Variants in SSUH2 observed in about 807,000 individuals in gnomAD.
The protein encoded by SSUH2 is ssu-2 homolog.
In SSUH2, 47 loss-of-function variants were observed where a neutral mutation model predicts 55.3. The ratio of observed to expected loss-of-function variants is 0.85; its 90% CI spans 0.67 to 1.08. SSUH2 has a LOEUF of 1.08. SSUH2 is among the 50% of genes least tolerant of loss of function. The pLI is 0.00. For missense variants in SSUH2, 535 were observed against 490.7 expected (o/e 1.09, Z -0.85); for synonymous variants, 212 against 191.5 (o/e 1.11, Z -0.89).
intron 5 of SSUH2, among the ~76,000 whole-genome samples, chr3:8,667,934 G>A (rs905315062): frequency 6.6e-6 from 1 of 152,070 alleles, no homozygotes; most frequent in African/African-American, 2.4e-5. Flanking sequence ...CCCACCCACG[G>A]AGGGAGCTGG....
rs561072704 is a variant in SSUH2, at chr3:8,679,243, G to C, written c.-901+462C>G. 2.4e-5 allele frequency among the ~76,000 whole-genome samples: 2 copies of C among 84,632 alleles called. 1 individual carries two copies. The allele number at this position is 84,632 out of a possible 152,430, so 55.5% of individuals were successfully genotyped here. On this transcript the variant is annotated intron_variant, in intron 2 of 18. Coordinates refer to the SSUH2 transcript ENST00000317371. ...CACCCTCCGTGAGCGGGGACTGAGA[G>C]CCAGCCAATTTTCCCCCTGGCTTTT...
intron 5 of SSUH2, among the ~76,000 whole-genome samples, chr3:8,670,847 T>C (rs1704490398): frequency 6.6e-6 from 1 of 152,088 alleles, no homozygotes; most frequent in Admixed American, 6.5e-5. Flanking sequence ...ATATTATGAA[T>C]AATATCCCAG....
chr3:8,672,374 T>A (rs1328798086), intron 3 of SSUH2, among the ~76,000 whole-genome samples: 1 of 151,896 alleles, frequency 6.6e-6, no homozygotes, highest in Admixed American at 6.6e-5. Flanking sequence ...GGTGTACACC[T>A]CCTGCGACAT....
intron 5 of SSUH2, chr3:8,664,044 G>C (rs777915304): frequency 3.6e-5 from 12 of 333,720 alleles, no homozygotes; most frequent in African/African-American, 2.6e-4. Context: ...GTCAACACGA[G>C]GTTTCTGCTG....
At chr3:8,628,571 A>T (rs769429590) in intron 7 of SSUH2, among the ~76,000 whole-genome samples, 1 of 152,204 alleles carries the variant, frequency 6.6e-6, no homozygotes, top group Non-Finnish European at 1.5e-5. Flanking sequence ...AGGTCATATG[A>T]CAAGGTAGGG....
At chr3:8,646,810 T>C (rs942863143), upstream of SSUH2, among the ~76,000 whole-genome samples, 1 of 151,998 alleles carries the variant, frequency 6.6e-6, no homozygotes, top group Non-Finnish European at 1.5e-5. Flanking sequence ...TCAAAGGAGG[T>C]TGGGATCAGG....
At chr3:8,678,826 CACGAG>C (rs1705669270) in intron 2 of SSUH2, among the ~76,000 whole-genome samples, 1 of 113,846 alleles carries the variant, frequency 8.8e-6, no homozygotes, top group Non-Finnish European at 2.0e-5. Context: ...CGGCACTCCC[CACGAG>C]GCGGGGACTG....
At chr3:8,644,031 T>G (rs1472109885) in intron 1 of SSUH2, among the ~76,000 whole-genome samples, 2 of 151,644 alleles carry the variant, frequency 1.3e-5, no homozygotes, top group Non-Finnish European at 2.9e-5. Flanking sequence ...ACTGCCTGTT[T>G]CAAATTCGGA....
chr3:8,667,232 G>A (rs1704074301), intron 5 of SSUH2, among the ~76,000 whole-genome samples: 1 of 152,128 alleles, frequency 6.6e-6, no homozygotes, highest in South Asian at 2.1e-4. Flanking sequence ...GCAGGAAAGG[G>A]GTAGTGTATT....
intron 3 of SSUH2, chr3:8,677,091 G>T (rs1163518022): frequency 6.7e-6 from 1 of 149,176 alleles, no homozygotes; most frequent in Non-Finnish European, 1.5e-5. Flanking sequence ...TGGCTCTTAG[G>T]ACCCCCATCG....
intron 3 of SSUH2, chr3:8,634,550 G>A: frequency 7.8e-7 from 1 of 1,289,756 alleles, no homozygotes; most frequent in Non-Finnish European, 1.0e-6. Context: ...GGCACACAGA[G>A]GGGCCCGTCT....
chr3:8,623,560 C>G lies in SSUH2; in HGVS notation c.970G>C (p.Val324Leu), dbSNP rs375244776. ...HSAALASRAR[V>L]LQQRQTIELI... ...CCGCCCTGGCTCACCTGCTGCAGGA[C>G]GCGGGCACGGGAGGCCAAGGCAGCG... is the stretch of plus-strand genomic sequence containing the variant. Residue 324 changes from valine to leucine, a missense_variant, in exon 11 of 12, where the codon GTC becomes CTC. Val to Leu is a conservative substitution (Grantham distance 32). Transcript: ENST00000544814. The G allele has an allele frequency of 1.3e-6, 2 of 1,549,028 alleles. No homozygotes were observed. Among genetic ancestry groups the G allele is most frequent in the African/African-American group, 2.7e-5 (2 of 72,998 alleles).
intron 1 of SSUH2, chr3:8,679,862 G>A (rs1242805125): frequency 2.0e-5 from 3 of 152,398 alleles, no homozygotes; most frequent in Non-Finnish European, 4.4e-5. Flanking sequence ...AAGGGAAGAA[G>A]GCAGGTGAGA....
intron 7 of SSUH2, among the ~76,000 whole-genome samples, chr3:8,653,993 C>A (rs1702692381): frequency 6.6e-6 from 1 of 152,216 alleles, no homozygotes; most frequent in African/African-American, 2.4e-5. Flanking sequence ...ACAGCAGGCA[C>A]TTGTATTAGT....
chr3:8,670,698 A>T (rs1486082488), intron 5 of SSUH2, among the ~76,000 whole-genome samples: 4 of 152,010 alleles, frequency 2.6e-5, no homozygotes, highest in Non-Finnish European at 5.9e-5. Flanking sequence ...CCTTCCTAGT[A>T]ACATCTCTTT....
intron 5 of SSUH2, among the ~76,000 whole-genome samples, chr3:8,669,108 CTCAT>C (rs993973066): frequency 2.0e-5 from 3 of 152,190 alleles, no homozygotes; most frequent in African/African-American, 7.2e-5. Flanking sequence ...AGCATACTCT[CTCAT>C]TCAAATGAAA....
At chr3:8,658,503 G>A (rs186480199) in intron 7 of SSUH2, among the ~76,000 whole-genome samples, 2 of 152,220 alleles carry the variant, frequency 1.3e-5, no homozygotes, top group African/African-American at 2.4e-5. Context: ...GCCAGGCTGG[G>A]TGGGGCAGGT....
intron 10 of SSUH2, among the ~76,000 whole-genome samples, chr3:8,624,549 C>T (rs1387673131): frequency 6.6e-6 from 1 of 152,194 alleles, no homozygotes; most frequent in Non-Finnish European, 1.5e-5. Context: ...TTGAGGACCC[C>T]CATCAGAAGT....
In SSUH2 at chr3:8,651,275, T is replaced by C. The variant is rs180821368; in HGVS notation, c.-307+7650A>G. On this transcript the variant is annotated intron_variant, in intron 7 of 18. Transcript: ENST00000317371. ...CATAAATGCTTCGGGATCCAGCCCA[T>C]TGCATCTCTCGGCTATCTCAGCAAG... Among the ~76,000 whole-genome samples, 181 of 152,322 alleles carry C rather than the reference T, an allele frequency of 1.2e-3. 1 individual carries two copies. Among genetic ancestry groups the C allele is most frequent in the Non-Finnish European group, 2.2e-3 (150 of 68,026 alleles).
Sources: allele counts gnomAD v4.1 joint callset (sites outside exome capture counted in the v4.1 genomes callset), GRCh38; gene constraint gnomAD v4.1.1; transcripts MANE v1.5; gene names NCBI Gene and HGNC (gene_info 2026-07-23, HGNC 2026-07-21).